Variants in CBLB observed in about 807,000 individuals in gnomAD.
CBLB encodes the protein Cbl proto-oncogene B, also known as E3 ubiquitin-protein ligase CBL-B.
Under a neutral mutation model 104.9 loss-of-function variants are expected in CBLB, and 31 were observed. That is an observed-to-expected ratio of 0.30 (90% CI 0.22 to 0.40). The LOEUF is 0.40. Among genes scored for constraint, CBLB ranks in the 10% least tolerant of loss-of-function variants. The pLI, the probability that CBLB is intolerant of heterozygous loss-of-function variation, is 1.00. For synonymous variants in CBLB, 440 were observed against 422.6 expected (o/e 1.04, Z -0.51); for missense variants, 1,062 against 1,214.6 (o/e 0.87, Z 1.87).
intron 10 of CBLB, among the ~76,000 whole-genome samples, chr3:105,707,567 A>G (rs1175028709): frequency 1.3e-5 from 2 of 152,166 alleles, no homozygotes; most frequent in East Asian, 3.9e-4. Context: ...TAGTGTACTG[A>G]AGCTTTGCCT....
intron 3 of CBLB, among the ~76,000 whole-genome samples, chr3:105,793,990 A>G (rs954216479): frequency 6.6e-6 from 1 of 152,236 alleles, no homozygotes; most frequent in Non-Finnish European, 1.5e-5. Context: ...ACTTGCAAAT[A>G]GAGTTTATAT....
chr3:105,796,778 A>C (rs567139857), intron 3 of CBLB, among the ~76,000 whole-genome samples: 1 of 152,358 alleles, frequency 6.6e-6, no homozygotes, highest in African/African-American at 2.4e-5. Flanking sequence ...GAACATGAAC[A>C]AACGCTTTTC....
At chr3:105,727,159 A>T (rs2073763150) in intron 9 of CBLB, among the ~76,000 whole-genome samples, 1 of 151,984 alleles carries the variant, frequency 6.6e-6, no homozygotes, top group South Asian at 2.1e-4. Context: ...ACTAATTTAC[A>T]CTCTCATCAA....
intron 14 of CBLB, among the ~76,000 whole-genome samples, chr3:105,683,775 T>C (rs986453333): frequency 3.3e-5 from 5 of 152,238 alleles, no homozygotes; most frequent in Admixed American, 6.5e-5. Flanking sequence ...CTCAATGATA[T>C]GATTTTATCA....
intron 4 of CBLB, among the ~76,000 whole-genome samples, chr3:105,772,292 A>G (rs974008056): frequency 7.2e-5 from 11 of 152,224 alleles, no homozygotes; most frequent in African/African-American, 2.7e-4. Context: ...TATTCAATAA[A>G]CTGTGCTGGA....
intron 6 of CBLB, 86 bp from the exon 7 acceptor site, chr3:105,740,717 G>T: frequency 1.7e-6 from 2 of 1,195,034 alleles, no homozygotes; most frequent in South Asian, 1.3e-5. Flanking sequence ...CCAAGCAAAA[G>T]AATAAACAAT....
intron 4 of CBLB, among the ~76,000 whole-genome samples, chr3:105,773,666 T>A (rs1260668458): frequency 6.6e-6 from 1 of 152,224 alleles, no homozygotes; most frequent in Admixed American, 6.5e-5. Context: ...TTATAAGTTA[T>A]TATTCCAGAG....
intron 7 of CBLB, among the ~76,000 whole-genome samples, chr3:105,739,273 TTTTC>T (rs756804559): frequency 1.1e-4 from 16 of 152,350 alleles, no homozygotes; most frequent in South Asian, 4.1e-4. Context: ...ACTTTTTTTC[TTTTC>T]TTTCTTTCTT....
intron 9 of CBLB, among the ~76,000 whole-genome samples, chr3:105,721,563 T>G (rs892060307): frequency 5.3e-5 from 8 of 152,132 alleles, no homozygotes; most frequent in African/African-American, 1.9e-4. Flanking sequence ...TGTACATAAT[T>G]TGGAAAAGAA....
At chr3:105,728,098 A>G (rs1359571767) in intron 9 of CBLB, among the ~76,000 whole-genome samples, 1 of 152,116 alleles carries the variant, frequency 6.6e-6, no homozygotes, top group African/African-American at 2.4e-5. Context: ...TGGTAGTTTG[A>G]TGGGGATAGA....
Position 105,658,864 on chromosome 3 carries a change from A to T in CBLB, c.*106T>A. The T allele has an allele frequency of 8.1e-7, 1 of 1,239,404 alleles. No homozygotes were observed. Among genetic ancestry groups the T allele is most frequent in the Non-Finnish European group, 1.2e-6 (1 of 857,850 alleles). 76.8% of individuals were successfully genotyped at this position (1,239,404 alleles called of 1,614,324 possible). A position where few individuals can be genotyped will look rare whatever the true frequency, so the allele number is the denominator to read the frequency against. On this transcript the variant is annotated 3_prime_UTR_variant, in exon 19 of 19. Coordinates refer to ENST00000394030, the MANE Select transcript of CBLB (RefSeq NM_170662.5). ...CCCAAGCCTCTTCTCAAGCTGCTAC[A>T]CGAGGAGGAGACACTTCTCTCTTGA...
chr3:105,787,866 A>C (rs1221468755), intron 3 of CBLB, among the ~76,000 whole-genome samples: 1 of 152,210 alleles, frequency 6.6e-6, no homozygotes, highest in Non-Finnish European at 1.5e-5. Flanking sequence ...ATGGCCCTCA[A>C]AACAAAGAAA....
chr3:105,661,417 G>C (rs1481015238), intron 18 of CBLB, among the ~76,000 whole-genome samples: 1 of 152,016 alleles, frequency 6.6e-6, no homozygotes, highest in African/African-American at 2.4e-5. Flanking sequence ...AGAAATTATT[G>C]AAAGCTTTCC....
intron 4 of CBLB, among the ~76,000 whole-genome samples, chr3:105,763,999 C>T (rs1328464196): frequency 1.3e-5 from 2 of 152,246 alleles, no homozygotes; most frequent in East Asian, 3.9e-4. Context: ...TGGAGTAGAA[C>T]CTAGAACTTA....
At chr3:105,761,895 C>CTGATAG (rs2077677402) in intron 4 of CBLB, among the ~76,000 whole-genome samples, 1 of 152,078 alleles carries the variant, frequency 6.6e-6, no homozygotes, top group Admixed American at 6.5e-5. Flanking sequence ...GACGAAAATG[C>CTGATAG]TGATAGTGAT....
At chr3:105,742,463 T>C (rs2075700182) in intron 6 of CBLB, among the ~76,000 whole-genome samples, 1 of 152,084 alleles carries the variant, frequency 6.6e-6, no homozygotes, top group Admixed American at 6.6e-5. Context: ...TGGAAAGAAC[T>C]TTTCAAAAAA....
At chr3:105,720,393 G>T in intron 9 of CBLB, 143 bp from the exon 10 acceptor site, 1 of 704,902 alleles carries the variant, frequency 1.4e-6, no homozygotes, top group Non-Finnish European at 2.5e-6. Flanking sequence ...CTCTTGAAGT[G>T]GTAGTGGGTA....
intron 3 of CBLB, among the ~76,000 whole-genome samples, chr3:105,829,132 T>C (rs935868484): frequency 6.6e-6 from 1 of 152,014 alleles, no homozygotes; most frequent in Non-Finnish European, 1.5e-5. Flanking sequence ...GATGAGATCC[T>C]GAAATATTCC....
At chr3:105,667,217 T>C (rs2152689134) in intron 18 of CBLB, among the ~76,000 whole-genome samples, 1 of 152,324 alleles carries the variant, frequency 6.6e-6, no homozygotes, top group Middle Eastern at 3.4e-3. Context: ...AGCATTGTTT[T>C]CAAGTGTTAC....
Sources: allele counts gnomAD v4.1 joint callset (sites outside exome capture counted in the v4.1 genomes callset), GRCh38; gene constraint gnomAD v4.1.1; transcripts MANE v1.5; gene names NCBI Gene and HGNC (gene_info 2026-07-23, HGNC 2026-07-21).